EXOC2: variants seen among roughly 807,000 people sequenced by gnomAD.
EXOC2 encodes SEC5-like 1.
Under a neutral mutation model 131.8 loss-of-function variants are expected in EXOC2, and 70 were observed. The observed-to-expected ratio is 0.53, with a 90% CI of 0.44 to 0.65. EXOC2 has a LOEUF of 0.65. Ranked by LOEUF, EXOC2 falls within the 30% of genes least tolerant of loss-of-function variation. The pLI is 0.00. For missense variants in EXOC2, 923 were observed against 1,108.6 expected (o/e 0.83, Z 2.38); for synonymous variants, 411 against 398.4 (o/e 1.03, Z -0.38).
chr6:497,521 T>C, intron 24 of EXOC2, 32 bp from the exon 25 acceptor site: 1 of 1,576,794 alleles, frequency 6.3e-7, no homozygotes, highest in South Asian at 1.2e-5. Context: ...TGGTGCTTTG[T>C]GGGGCTTTTT....
chr6:616,691 G>T (rs1221267250), intron 6 of EXOC2, among the ~76,000 whole-genome samples: 1 of 151,558 alleles, frequency 6.6e-6, no homozygotes, highest in African/African-American at 2.4e-5. Flanking sequence ...TAATGTGTTG[G>T]AGGTCAATTA....
rs369805517 is a variant in EXOC2 at position 532,472 on chromosome 6, T to C, written c.2377A>G (p.Thr793Ala). The stretch of plus-strand genomic sequence containing the variant: ...CTCAAGAAACTTTATTACTTACCTG[T>C]TGGAGGCAGGCAGTCCTTCCAATCA... ...YFDWKDCLPP[T>A]GVRNYLKEAL... The change falls in exon 23 of 28, where the codon ACA becomes GCA. Residue 793 changes from threonine (T) to alanine (A), a missense_variant. Physicochemically the swap from Thr to Ala is moderately conservative, Grantham distance 58. Coordinates refer to ENST00000230449, the MANE Select transcript of EXOC2 (RefSeq NM_018303.6). 3 of 1,587,580 alleles carry C rather than the reference T, an allele frequency of 1.9e-6. No individual in the cohort carries two copies. Among genetic ancestry groups the C allele is most frequent in the Non-Finnish European group, 2.6e-6 (3 of 1,171,470 alleles).
At chr6:488,637 A>G (rs1406693991) in intron 27 of EXOC2, among the ~76,000 whole-genome samples, 1 of 152,172 alleles carries the variant, frequency 6.6e-6, no homozygotes, top group South Asian at 2.1e-4. Context: ...TCTTTTTTCC[A>G]TTACTTCTTA....
chr6:622,076 C>A (rs1013681749), intron 4 of EXOC2, among the ~76,000 whole-genome samples: 1 of 152,216 alleles, frequency 6.6e-6, no homozygotes, highest in Admixed American at 6.5e-5. Flanking sequence ...TGAGGGATCA[C>A]GGGCTTTGTC....
At chr6:674,979 A>G (rs943693118) in intron 1 of EXOC2, among the ~76,000 whole-genome samples, 52 of 152,018 alleles carry the variant, frequency 3.4e-4, no homozygotes, top group African/African-American at 6.0e-4. Context: ...AGATGATCCA[A>G]TCCTAAACTT....
rs1378365199 is a variant in EXOC2, at chr6:506,776, A to C, written c.2381-7076T>G. Among the ~76,000 whole-genome samples, 3 of 152,106 alleles carry C rather than the reference A, an allele frequency of 2.0e-5. No homozygotes were observed. Among genetic ancestry groups the C allele is most frequent in the Non-Finnish European group, 4.4e-5 (3 of 68,014 alleles). On this transcript the variant is annotated intron_variant, in intron 23 of 27. Transcript: ENST00000230449. The surrounding 1 kb of genome is among the most constrained non-coding windows in gnomAD (Gnocchi z 4.4). ...CAAGAACTTGTAGGCTGTTTCCTGTAAGCCAGCCGGTGTAACCCAGCATAT... is the reference window on the plus strand; with the variant it reads ...CAAGAACTTGTAGGCTGTTTCCTGTCAGCCAGCCGGTGTAACCCAGCATAT...
intron 25 of EXOC2, among the ~76,000 whole-genome samples, chr6:494,052 TAC>T (rs1252518310): frequency 1.3e-5 from 2 of 152,338 alleles, no homozygotes; most frequent in African/African-American, 4.8e-5. Flanking sequence ...TCTGTAGTAT[TAC>T]ACAGTTTATA....
In EXOC2 at chr6:617,691, G is replaced by A; in HGVS notation, c.661+20C>T. On this transcript the variant is annotated intron_variant, in intron 6 of 27. Transcript: ENST00000230449. ...TCCATGGCGGAAGCTGCCAGCAGAT[G>A]GCTCTGAGGATCGCCTTACCTGAGA... 5 of 1,604,406 alleles carry A rather than the reference G, an allele frequency of 3.1e-6. No individual in the cohort carries two copies. The highest frequency in any genetic ancestry group is 4.3e-6 in the Non-Finnish European group (5 of 1,174,970).
chr6:630,252 C>A lies in EXOC2; in HGVS notation c.296-291G>T, dbSNP rs185381197. Among the ~76,000 whole-genome samples, 9 of 148,194 alleles carry A rather than the reference C, an allele frequency of 6.1e-5. No individual in the cohort carries two copies. In the East Asian group the frequency reaches 1.7e-3, roughly 29 times the overall value. ...CTGCTTAGACAAAGTTTTGCAATAA[C>A]AAACATATTTTACAAATAATAAACA... On this transcript the variant is annotated intron_variant, in intron 3 of 27. Coordinates refer to ENST00000230449, the MANE Select transcript of EXOC2 (RefSeq NM_018303.6).
rs1337792769 is a variant in EXOC2, at chr6:486,376, A to AGCAGCTCTTCCT, written c.*283_*294dup. On this transcript the variant is annotated 3_prime_UTR_variant, in exon 28 of 28. Coordinates refer to ENST00000230449, the MANE Select transcript of EXOC2 (RefSeq NM_018303.6). ...GCCATTCCAGAAAACTCCCTGCAGA[A>AGCAGCTCTTCCT]GCAGCTCTTCCTGCAGCACTCAACC... The AGCAGCTCTTCCT allele has an allele frequency of 7.6e-6, 2 of 264,228 alleles. No individual in the cohort carries two copies. Among genetic ancestry groups the AGCAGCTCTTCCT allele is most frequent in the Non-Finnish European group, 1.4e-5 (2 of 140,194 alleles). The allele number at this position is 264,228 out of a possible 1,614,324, so 16.4% of individuals were successfully genotyped here.
rs577419363 is a variant in EXOC2, at chr6:518,407, G to C, written c.2380+14062C>G. On this transcript the variant is annotated intron_variant, in intron 23 of 27. Transcript: ENST00000230449. Reference sequence around the variant, plus strand: ...TAACCAAAAGTTTTTAAATGACTTGGACTGTTTATTTGTACAATAGTATGT... The same window carrying C: ...TAACCAAAAGTTTTTAAATGACTTGCACTGTTTATTTGTACAATAGTATGT... 3.9e-5 allele frequency among the ~76,000 whole-genome samples: 6 copies of C among 152,324 alleles called. No homozygotes were observed. In the South Asian group the frequency reaches 1.2e-3, roughly 32 times the overall value.
At chr6:589,267 G>A (rs1327250765) in intron 11 of EXOC2, among the ~76,000 whole-genome samples, 2 of 151,098 alleles carry the variant, frequency 1.3e-5, no homozygotes, top group South Asian at 2.1e-4. Context: ...ACTGACCGTC[G>A]AGCACCCGCA....
In EXOC2 at chr6:507,196, A is replaced by C. The variant is rs66862553; in HGVS notation, c.2381-7496T>G. 0.013 allele frequency among the ~76,000 whole-genome samples: 175 copies of C among 13,054 alleles called. 10 individuals carry two copies. The South Asian group carries it at 0.23, about 17-fold the overall frequency. 8.6% of individuals were successfully genotyped at this position (13,054 alleles called of 152,430 possible). ...CACACACACAGCAGTGACCCCCCCCACACACACACACAGCAGTGACCACAC... is the reference window on the plus strand; with the variant it reads ...CACACACACAGCAGTGACCCCCCCCCCACACACACACAGCAGTGACCACAC... On this transcript the variant is annotated intron_variant, in intron 23 of 27. Transcript: ENST00000230449.
intron 1 of EXOC2, among the ~76,000 whole-genome samples, chr6:658,673 T>TATATATATATATA (rs1763273988): frequency 1.5e-5 from 2 of 135,136 alleles, no homozygotes; most frequent in South Asian, 2.2e-4. Flanking sequence ...ATATTTTTTT[T>TATATATATATATA]TTTTTTAGAC....
intron 7 of EXOC2, among the ~76,000 whole-genome samples, chr6:600,090 G>T (rs998321214): frequency 6.6e-6 from 1 of 152,140 alleles, no homozygotes; most frequent in African/African-American, 2.4e-5. Context: ...TTTAAGCAAA[G>T]ATGAAAAAAT....
chr6:655,474 T>TG (rs1299763137), intron 1 of EXOC2, among the ~76,000 whole-genome samples: 3 of 152,216 alleles, frequency 2.0e-5, no homozygotes, highest in Non-Finnish European at 4.4e-5. Context: ...GAACCAAACT[T>TG]GGAGTATCTC....
intron 27 of EXOC2, among the ~76,000 whole-genome samples, chr6:487,355 T>C (rs1417719122): frequency 6.6e-6 from 1 of 152,196 alleles, no homozygotes; most frequent in Non-Finnish European, 1.5e-5. Context: ...GCAAATCGCT[T>C]TGCTGCCTGA....
chr6:573,307 A>T (rs2999991), intron 12 of EXOC2, among the ~76,000 whole-genome samples: 1,845 of 152,332 alleles, frequency 0.012, 33 homozygotes, highest in African/African-American at 0.042. Context: ...ATGGGAATAA[A>T]GCAAGTGTAG....
intron 22 of EXOC2, among the ~76,000 whole-genome samples, chr6:538,938 G>A (rs1308740772): frequency 6.6e-6 from 1 of 152,138 alleles, no homozygotes; most frequent in Non-Finnish European, 1.5e-5. Context: ...CGGCTGTGGT[G>A]ACAGGTGCCT....
Sources: gnomAD v4.1 joint callset for allele counts (sites outside exome capture counted in the v4.1 genomes callset) on GRCh38, gnomAD v4.1.1 for gene constraint, Gnocchi (gnomAD v3.1) non-coding constraint, MANE v1.5 for transcripts, NCBI Gene and HGNC (gene_info 2026-07-23, HGNC 2026-07-21) for gene names.